Variants in UNC5D observed in about 807,000 individuals in gnomAD.
UNC5D encodes unc-5 netrin receptor D, also known as netrin receptor UNC5D.
A neutral mutation model predicts 105.4 loss-of-function variants in UNC5D; 39 were observed. That is an observed-to-expected ratio of 0.37 (90% CI 0.29 to 0.48). The LOEUF is 0.48. Among genes scored for constraint, UNC5D ranks in the 20% least tolerant of loss-of-function variants. The probability of loss-of-function intolerance (pLI) is 0.98; values close to 1 mark genes in which losing one functional copy is unlikely to be tolerated. For synonymous variants in UNC5D, 452 were observed against 450.4 expected, an observed-to-expected ratio of 1.00 and a Z score of -0.04; for missense variants, 991 against 1,202.4, an observed-to-expected ratio of 0.82 and a Z score of 2.60.
chr8:35,359,381 C>A (rs1585663459), intron 1 of UNC5D, among the ~76,000 whole-genome samples: 1 of 152,162 alleles, frequency 6.6e-6, no homozygotes, highest in Non-Finnish European at 1.5e-5. Flanking sequence ...CCATGGGATG[C>A]AATGACTTCA....
intron 4 of UNC5D, among the ~76,000 whole-genome samples, chr8:35,657,076 GTGTGTATATATATATA>G (rs1200382610): frequency 9.2e-4 from 87 of 94,428 alleles, no homozygotes; most frequent in African/African-American, 1.2e-3. Context: ...GTGTGTGTGT[GTGTGTATATATATATA>G]TATATATATA....
At chr8:35,236,680 A>G (rs1802495000) in intron 1 of UNC5D, among the ~76,000 whole-genome samples, 4 of 152,202 alleles carry the variant, frequency 2.6e-5, no homozygotes, top group Admixed American at 2.0e-4. Context: ...AAATTTCGCA[A>G]CTGGTTTCAG....
chr8:35,259,965 T>A (rs1468761129), intron 1 of UNC5D, among the ~76,000 whole-genome samples: 1 of 152,104 alleles, frequency 6.6e-6, no homozygotes, highest in Non-Finnish European at 1.5e-5. Context: ...CCTTATCATT[T>A]TTCCCCCCAG....
intron 2 of UNC5D, among the ~76,000 whole-genome samples, chr8:35,559,950 G>A (rs549134185): frequency 6.6e-6 from 1 of 152,264 alleles, no homozygotes; most frequent in South Asian, 2.1e-4. Flanking sequence ...ATGAAGTTCT[G>A]TGCTGCTCCA....
At chr8:35,418,596 C>G (rs1350077778) in intron 1 of UNC5D, among the ~76,000 whole-genome samples, 2 of 152,100 alleles carry the variant, frequency 1.3e-5, no homozygotes, top group African/African-American at 4.8e-5. Context: ...GAATGGTATT[C>G]AAGATCTGGT....
intron 1 of UNC5D, among the ~76,000 whole-genome samples, chr8:35,323,385 C>A (rs1809902207): frequency 6.6e-6 from 1 of 151,946 alleles, no homozygotes; most frequent in Non-Finnish European, 1.5e-5. Flanking sequence ...AACCTTTACT[C>A]TGAGTCACTT....
intron 1 of UNC5D, among the ~76,000 whole-genome samples, chr8:35,327,406 A>G (rs1052569137): frequency 2.6e-5 from 4 of 152,134 alleles, no homozygotes; most frequent in Admixed American, 6.5e-5. Flanking sequence ...ACCCGTGCAT[A>G]CCACTGGTGT....
At chr8:35,589,434 G>A (rs1819015481) in intron 3 of UNC5D, among the ~76,000 whole-genome samples, 1 of 146,310 alleles carries the variant, frequency 6.8e-6, no homozygotes, top group South Asian at 2.2e-4. Context: ...GAAAACTTTA[G>A]AAGTAGAATT....
intron 16 of UNC5D, among the ~76,000 whole-genome samples, chr8:35,780,967 G>C (rs780009425): frequency 6.6e-6 from 1 of 152,004 alleles, no homozygotes; most frequent in Non-Finnish European, 1.5e-5. Flanking sequence ...TTTTATTTAC[G>C]TGTCAAGTTT....
intron 1 of UNC5D, among the ~76,000 whole-genome samples, chr8:35,470,284 G>T (rs1042467658): frequency 6.6e-6 from 1 of 152,050 alleles, no homozygotes; most frequent in Non-Finnish European, 1.5e-5. Flanking sequence ...TTTAAATATG[G>T]TTTTGAGGCC....
intron 1 of UNC5D, among the ~76,000 whole-genome samples, chr8:35,249,027 T>TTATATAA (rs1803482832): frequency 1.2e-4 from 4 of 32,648 alleles, no homozygotes; most frequent in Non-Finnish European, 2.2e-4. Context: ...TTATATATGT[T>TTATATAA]TATATAATAT....
At chr8:35,274,296 T>A (rs1006352369) in intron 1 of UNC5D, among the ~76,000 whole-genome samples, 4 of 152,220 alleles carry the variant, frequency 2.6e-5, no homozygotes, top group Admixed American at 6.5e-5. Context: ...TTCAGATGAT[T>A]TAGCAAATCT....
rs971062226 is a variant in UNC5D, at chr8:35,554,964, G to A, written c.322+5454G>A. Among the ~76,000 whole-genome samples, 6 of 152,148 alleles carry A rather than the reference G, an allele frequency of 3.9e-5. No homozygotes were observed. The East Asian group carries it at 1.2e-3, about 29-fold the overall frequency. ...TGTGTCAAGAAAAGGGAGAAGAATAGAAATAAAAATGTATTAAATCTTAAA... is the reference window on the plus strand; with the variant it reads ...TGTGTCAAGAAAAGGGAGAAGAATAAAAATAAAAATGTATTAAATCTTAAA... On this transcript the variant is annotated intron_variant, in intron 2 of 16. Coordinates refer to ENST00000404895, the MANE Select transcript of UNC5D (RefSeq NM_080872.4).
At chr8:35,604,274 A>G (rs902567627) in intron 4 of UNC5D, among the ~76,000 whole-genome samples, 18 of 152,092 alleles carry the variant, frequency 1.2e-4, no homozygotes, top group Non-Finnish European at 1.9e-4. Flanking sequence ...GCTTGTCTGT[A>G]AAGGATTTTA....
chr8:35,556,513 A>C (rs780407554), intron 2 of UNC5D, among the ~76,000 whole-genome samples: 1 of 152,172 alleles, frequency 6.6e-6, no homozygotes, highest in Non-Finnish European at 1.5e-5. Context: ...AGTAAAAGCA[A>C]GTTTATTAAG....
At chr8:35,623,709 T>C (rs1032729804) in intron 4 of UNC5D, among the ~76,000 whole-genome samples, 2 of 152,184 alleles carry the variant, frequency 1.3e-5, no homozygotes, top group Non-Finnish European at 2.9e-5. Context: ...CATTTTTTAA[T>C]AACCATTTTT....
chr8:35,526,564 CT>C (rs747334027), intron 1 of UNC5D, among the ~76,000 whole-genome samples: 2 of 151,830 alleles, frequency 1.3e-5, no homozygotes, highest in African/African-American at 4.8e-5. Context: ...TGAATTGTTT[CT>C]TTTTTTTCTT....
intron 1 of UNC5D, among the ~76,000 whole-genome samples, chr8:35,480,898 G>A (rs1810442677): frequency 6.6e-6 from 1 of 152,122 alleles, no homozygotes; most frequent in Non-Finnish European, 1.5e-5. Flanking sequence ...GGATGGAGGT[G>A]GAGGATAAGA....
chr8:35,355,223 G>A (rs1270006322), intron 1 of UNC5D, among the ~76,000 whole-genome samples: 1 of 151,606 alleles, frequency 6.6e-6, no homozygotes, highest in Non-Finnish European at 1.5e-5. Context: ...CCTTTTTTTT[G>A]AACAACTTGA....
Sources: gnomAD v4.1 joint callset for allele counts (sites outside exome capture counted in the v4.1 genomes callset) on GRCh38, gnomAD v4.1.1 for gene constraint, MANE v1.5 for transcripts, NCBI Gene and HGNC (gene_info 2026-07-23, HGNC 2026-07-21) for gene names.